The following LHFPL2 variants were observed in gnomAD, a reference collection of about 807,000 sequenced individuals.
LHFPL2 encodes LHFPL tetraspan subfamily member 2.
In LHFPL2, 7 loss-of-function variants were observed where a neutral mutation model predicts 17.5. The ratio of observed to expected loss-of-function variants is 0.40; its 90% CI spans 0.23 to 0.75. The LOEUF (loss-of-function observed/expected upper bound fraction) is 0.75, where lower values mean the gene tolerates loss of function less well. LHFPL2 is among the 30% of genes least tolerant of loss of function. The pLI, the probability that LHFPL2 is intolerant of heterozygous loss-of-function variation, is 0.37. For missense variants in LHFPL2, 241 were observed against 294.8 expected (o/e 0.82, Z 1.34); for synonymous variants, 134 against 116.2 (o/e 1.15, Z -0.99).
chr5:78,561,306 C>T (rs1020566957), intron 3 of LHFPL2, among the ~76,000 whole-genome samples: 4 of 152,226 alleles, frequency 2.6e-5, no homozygotes, highest in South Asian at 2.1e-4. Flanking sequence ...GTACCTCAGT[C>T]GCACTAGTCA....
At chr5:78,581,762 G>A (rs1046884973) in intron 2 of LHFPL2, among the ~76,000 whole-genome samples, 1 of 152,084 alleles carries the variant, frequency 6.6e-6, no homozygotes, top group Non-Finnish European at 1.5e-5. Flanking sequence ...TTTTTTGGTT[G>A]TGCCTCTACC....
chr5:78,634,597 T>C (rs1407108864), intron 1 of LHFPL2, among the ~76,000 whole-genome samples: 1 of 152,188 alleles, frequency 6.6e-6, no homozygotes, highest in Non-Finnish European at 1.5e-5. Context: ...CACTAGACTG[T>C]GAGCTTTCCA....
At chr5:78,633,106 G>T (rs1278250032) in intron 1 of LHFPL2, among the ~76,000 whole-genome samples, 1 of 152,186 alleles carries the variant, frequency 6.6e-6, no homozygotes, top group Non-Finnish European at 1.5e-5. Context: ...GACTGTGATG[G>T]TTCAGACAGC....
At chr5:78,532,976 CGTGCT>C (rs1755831111) in intron 3 of LHFPL2, among the ~76,000 whole-genome samples, 1 of 152,228 alleles carries the variant, frequency 6.6e-6, no homozygotes, top group Non-Finnish European at 1.5e-5. Context: ...ACAACCCTGT[CGTGCT>C]GCAGACTGGG....
chr5:78,493,892 G>C (rs1430660883), intron 4 of LHFPL2, among the ~76,000 whole-genome samples: 1 of 152,180 alleles, frequency 6.6e-6, no homozygotes, highest in African/African-American at 2.4e-5. Flanking sequence ...TGGAGACTTG[G>C]AATGGTTTTT....
intron 3 of LHFPL2, among the ~76,000 whole-genome samples, chr5:78,517,508 G>A (rs1008009315): frequency 6.6e-6 from 1 of 152,196 alleles, no homozygotes; most frequent in Non-Finnish European, 1.5e-5. Context: ...AAAGGAAAGA[G>A]GTTTAATGGA....
intron 1 of LHFPL2, among the ~76,000 whole-genome samples, chr5:78,639,113 C>T (rs1233915920): frequency 2.6e-5 from 4 of 152,024 alleles, no homozygotes; most frequent in Admixed American, 6.6e-5. Context: ...CCTAAGAGGC[C>T]CCCCAGCCAC....
chr5:78,570,002 A>G (rs1756954800), intron 2 of LHFPL2, among the ~76,000 whole-genome samples: 1 of 152,202 alleles, frequency 6.6e-6, no homozygotes, highest in Admixed American at 6.5e-5. Flanking sequence ...GTGCATATCA[A>G]AACACTGCTA....
chr5:78,630,935 TCA>T (rs1745220891), intron 2 of LHFPL2, among the ~76,000 whole-genome samples: 1 of 152,152 alleles, frequency 6.6e-6, no homozygotes, highest in Non-Finnish European at 1.5e-5. Flanking sequence ...GACTCAACTC[TCA>T]TTTTGGCTCC....
chr5:78,519,549 A>C (rs557683177), intron 3 of LHFPL2, among the ~76,000 whole-genome samples: 62 of 152,310 alleles, frequency 4.1e-4, no homozygotes, highest in Middle Eastern at 3.4e-3. Context: ...GCAGACACTT[A>C]ATCTGAACCC....
intron 2 of LHFPL2, among the ~76,000 whole-genome samples, chr5:78,605,022 G>A (rs1744163596): frequency 6.6e-6 from 1 of 152,198 alleles, no homozygotes; most frequent in African/African-American, 2.4e-5. Flanking sequence ...ACAACATAAT[G>A]TGCCTGAAAA....
At chr5:78,492,856 A>C (rs1485959720) in intron 4 of LHFPL2, among the ~76,000 whole-genome samples, 1 of 152,200 alleles carries the variant, frequency 6.6e-6, no homozygotes, top group Admixed American at 6.5e-5. Context: ...CTGGGCAGCC[A>C]GCCCCGACAA....
rs1040983210 is a variant in LHFPL2 at position 78,544,611 on chromosome 5, ATC to A, written c.-186+20200_-186+20201del. On this transcript the variant is annotated intron_variant, in intron 3 of 4. Transcript: ENST00000380345. ...AGTTGTCTGAATCTTCAAGTAGCTG[ATC>A]TGTGCGGATGCAGTGACGGAGCCAC... Among the ~76,000 whole-genome samples, 87 of 152,296 alleles carry A rather than the reference ATC, an allele frequency of 5.7e-4. 1 individual carries two copies. Among genetic ancestry groups the A allele is most frequent in the African/African-American group, 2.1e-3 (87 of 41,560 alleles).
At position 78,510,166 on chromosome 5, in the gene LHFPL2, C is replaced by T. The variant is rs756742300; in HGVS notation, c.48G>A (p.Leu16=). 1 of 1,610,578 alleles carries T rather than the reference C, an allele frequency of 6.2e-7. No homozygotes were observed. The highest frequency in any genetic ancestry group is 8.5e-7 in the Non-Finnish European group (1 of 1,177,974). ...VTCRSMLWTL[L]SIVVAFAELI... ...GCTCGGCAAAAGCCACCACAATACTCAGCAAGGTCCAGAGCATCGAGCGAC... is the reference window on the plus strand; with the variant it reads ...GCTCGGCAAAAGCCACCACAATACTTAGCAAGGTCCAGAGCATCGAGCGAC... Residue 16 remains leucine, a synonymous_variant, in exon 4 of 5, where the codon CTG becomes CTA. Transcript: ENST00000380345.
intron 3 of LHFPL2, among the ~76,000 whole-genome samples, chr5:78,549,755 C>T (rs1394916233): frequency 1.3e-5 from 2 of 152,192 alleles, no homozygotes; most frequent in Admixed American, 6.5e-5. Context: ...TATATTTTGT[C>T]TTGCTGCCTT....
chr5:78,575,969 C>G (rs2112433411), intron 2 of LHFPL2, among the ~76,000 whole-genome samples: 1 of 152,292 alleles, frequency 6.6e-6, no homozygotes, highest in South Asian at 2.1e-4. Context: ...TGCAATCTTA[C>G]AGGGATGAGC....
At chr5:78,549,703 T>C (rs1756385398) in intron 3 of LHFPL2, among the ~76,000 whole-genome samples, 1 of 152,254 alleles carries the variant, frequency 6.6e-6, no homozygotes, top group Non-Finnish European at 1.5e-5. Flanking sequence ...TTTTGGAAAG[T>C]CTGGTCATGA....
chr5:78,550,817 C>T (rs897581420), intron 3 of LHFPL2, among the ~76,000 whole-genome samples: 3 of 152,178 alleles, frequency 2.0e-5, no homozygotes, highest in African/African-American at 7.2e-5. Context: ...GTGATCTGCC[C>T]ATCTCAGCCT....
At chr5:78,560,293 C>T (rs1756691564) in intron 3 of LHFPL2, among the ~76,000 whole-genome samples, 1 of 152,260 alleles carries the variant, frequency 6.6e-6, no homozygotes. Context: ...ATATTACCTT[C>T]TCATGTTTCC....
Sources: gnomAD v4.1 joint callset for allele counts (sites outside exome capture counted in the v4.1 genomes callset) on GRCh38, gnomAD v4.1.1 for gene constraint, MANE v1.5 for transcripts, NCBI Gene and HGNC (gene_info 2026-07-23, HGNC 2026-07-21) for gene names.